The following BPIFC variants were observed in gnomAD, a reference collection of about 807,000 sequenced individuals.
The protein encoded by BPIFC is BPI fold containing family C, also known as BPI fold-containing family C protein.
In BPIFC, 60 loss-of-function variants were observed where a neutral mutation model predicts 57.6. The observed-to-expected ratio is 1.04, with a 90% confidence interval of 0.85 to 1.29. The LOEUF (loss-of-function observed/expected upper bound fraction) is 1.29. BPIFC is among the 50% of genes most tolerant of loss of function. The pLI is 0.00. For synonymous variants in BPIFC, 243 were observed against 224.5 expected, an observed-to-expected ratio of 1.08 and a Z score of -0.74; for missense variants, 581 against 600.5, an observed-to-expected ratio of 0.97 and a Z score of 0.34.
At chr22:32,442,826 G>T in intron 7 of BPIFC, 95 bp from the exon 8 acceptor site, 1 of 1,165,992 alleles carries the variant, frequency 8.6e-7, no homozygotes, top group East Asian at 2.5e-5. Context: ...AAGGCCTTCT[G>T]GTTAGCAGTC....
intron 1 of BPIFC, among the ~76,000 whole-genome samples, chr22:32,462,099 G>C (rs1326357245): frequency 1.4e-5 from 2 of 146,132 alleles, no homozygotes; most frequent in Non-Finnish European, 3.0e-5. Context: ...GAACCCAGGA[G>C]GCAGAGGTTG....
At chr22:32,414,532 G>T (rs1933614667) in intron 16 of BPIFC, 107 bp from the exon 17 acceptor site, 1 of 1,381,404 alleles carries the variant, frequency 7.2e-7, no homozygotes, top group Non-Finnish European at 9.7e-7. Flanking sequence ...TTAATTTTGA[G>T]ATGGAGTCTC....
chr22:32,432,484 A>G lies in BPIFC; in HGVS notation c.1038T>C (p.Pro346=). The part of the protein sequence containing the change: ...PFMVRIMATE[P]PIINLQPGNF... ...TGCCTGGTTGTAGATTGATTATGGG[A>G]GGCTCTGTGGCCATGATCCTCACCA... The change falls in exon 12 of 17, where the codon CCT becomes CCC. Residue 346 remains proline (P), a synonymous_variant. Coordinates refer to ENST00000300399, the MANE Select transcript of BPIFC (RefSeq NM_174932.3). The G allele has an allele frequency of 6.2e-7, 1 of 1,614,082 alleles. No homozygotes were observed. The highest frequency in any genetic ancestry group is 8.5e-7 in the Non-Finnish European group (1 of 1,180,006).
chr22:32,424,642 C>CTCTTCT (rs796330210), intron 13 of BPIFC, among the ~76,000 whole-genome samples: 2,312 of 28,720 alleles, frequency 0.081, 325 homozygotes, highest in Middle Eastern at 0.18. Flanking sequence ...TCTTCTTCTT[C>CTCTTCT]TCTTCTTCTT....
chr22:32,424,726 T>C (rs1318619887), intron 13 of BPIFC, among the ~76,000 whole-genome samples: 2 of 88,424 alleles, frequency 2.3e-5, no homozygotes, highest in African/African-American at 1.2e-4. Flanking sequence ...CCTCTTCTTC[T>C]TCCTCTTCTT....
chr22:32,445,308 T>G (rs988874458), intron 7 of BPIFC, among the ~76,000 whole-genome samples: 1 of 152,102 alleles, frequency 6.6e-6, no homozygotes, highest in South Asian at 2.1e-4. Context: ...GAGGCCAAGG[T>G]GCGCGGATCA....
At position 32,455,354 on chromosome 22, in the gene BPIFC, T is replaced by C. The variant is rs376403081; in HGVS notation, c.125-1851A>G. 2.7e-4 allele frequency among the ~76,000 whole-genome samples: 41 copies of C among 152,200 alleles called. 1 individual carries two copies. The South Asian group carries it at 8.1e-3, about 30-fold the overall frequency. On this transcript the variant is annotated intron_variant, in intron 3 of 16. Transcript: ENST00000300399. ...ATGAGCCACCACGCCTGGCCTTCCA[T>C]TTAAAAAAATATCTTGCAGATATTA...
intron 5 of BPIFC, among the ~76,000 whole-genome samples, chr22:32,446,531 G>A (rs1048187578): frequency 6.6e-6 from 1 of 152,184 alleles, no homozygotes; most frequent in Non-Finnish European, 1.5e-5. Context: ...GTTGCTGTGG[G>A]GAACGTGTCA....
intron 15 of BPIFC, among the ~76,000 whole-genome samples, 179 bp from the exon 16 acceptor site, chr22:32,416,170 C>G (rs1296707052): frequency 6.6e-6 from 1 of 151,286 alleles, no homozygotes; most frequent in Non-Finnish European, 1.5e-5. Context: ...ACCTCCACCT[C>G]CCAGGTACAG....
intron 9 of BPIFC, among the ~76,000 whole-genome samples, chr22:32,437,051 A>G (rs1457453527): frequency 6.6e-6 from 1 of 152,258 alleles, no homozygotes; most frequent in East Asian, 1.9e-4. Context: ...AGAGGTCAGC[A>G]GCCCTCAGTT....
chr22:32,446,146 C>A, intron 5 of BPIFC, 150 bp from the exon 6 acceptor site: 1 of 824,228 alleles, frequency 1.2e-6, no homozygotes, highest in Non-Finnish European at 1.9e-6. Context: ...CAGGTAGGAG[C>A]AGAGTGGGTG....
In BPIFC at chr22:32,445,949, G is replaced by A. The variant is rs1217866566; in HGVS notation, c.422C>T (p.Thr141Ile). 4 of 1,614,124 alleles carry A rather than the reference G, an allele frequency of 2.5e-6. No individual in the cohort carries two copies. The highest frequency in any genetic ancestry group is 3.4e-6 in the Non-Finnish European group (4 of 1,180,030). The change falls in exon 6 of 17, where the codon ACC becomes ATC. Residue 141 changes from threonine to isoleucine, a missense_variant. Transcript: ENST00000300399. ...ADLFLSGVYFTGIIILTRNDF... is the reference protein window; with the variant it reads ...ADLFLSGVYFIGIIILTRNDF... ...ATTTCGGGTTAGGATAATGATACCG[G>A]TAAAGTAGACTCCGGAGAGAAACAG...
intron 10 of BPIFC, 39 bp from the exon 11 acceptor site, chr22:32,433,811 A>G: frequency 6.4e-7 from 1 of 1,552,242 alleles, no homozygotes; most frequent in African/African-American, 1.4e-5. Context: ...TTAGGATTTT[A>G]CGTGGATTGT....
chr22:32,448,219 C>T (rs1363837246), intron 4 of BPIFC, among the ~76,000 whole-genome samples: 1 of 152,038 alleles, frequency 6.6e-6, no homozygotes, highest in Non-Finnish European at 1.5e-5. Context: ...CAGGCGCATG[C>T]CACCACACCT....
rs1935161394 is a variant in BPIFC at position 32,461,616 on chromosome 22, GC to G, written c.-44del. ...TCCAGCTGATCTTCTGCTGTGCTGGGCCTTTCTTGATCCTTTAGTTGCCCTT... is the reference window on the plus strand; with the variant it reads ...TCCAGCTGATCTTCTGCTGTGCTGGGCTTTCTTGATCCTTTAGTTGCCCTT... On this transcript the variant is annotated 5_prime_UTR_variant, in exon 2 of 17. Coordinates refer to ENST00000300399, the MANE Select transcript of BPIFC (RefSeq NM_174932.3). The G allele has an allele frequency of 1.6e-5, 16 of 985,576 alleles. No homozygotes were observed. Among genetic ancestry groups the G allele is most frequent in the Non-Finnish European group, 1.9e-5 (16 of 830,044 alleles). The allele number at this position is 985,576 out of a possible 1,614,324, so 61.1% of individuals were successfully genotyped here.
intron 13 of BPIFC, among the ~76,000 whole-genome samples, chr22:32,427,402 C>A (rs2145922613): frequency 6.6e-6 from 1 of 152,260 alleles, no homozygotes; most frequent in South Asian, 2.1e-4. Context: ...GAGATCCTGC[C>A]AGTAAACCAG....
rs906861191 is a variant in BPIFC at position 32,417,264 on chromosome 22, C to T, written c.1261-116G>A. The T allele has an allele frequency of 1.1e-5, 8 of 718,904 alleles. No individual in the cohort carries two copies. The South Asian group carries it at 1.2e-4, about 11-fold the overall frequency. The allele number at this position is 718,904 out of a possible 1,614,324, so 44.5% of individuals were successfully genotyped here. A position where few individuals can be genotyped will look rare whatever the true frequency, so the allele number is the denominator to read the frequency against. On this transcript the variant is annotated intron_variant, in intron 14 of 16. Coordinates refer to ENST00000300399, the MANE Select transcript of BPIFC (RefSeq NM_174932.3). ...GATCATGGCTCTCTCCAGCCTCGAA[C>T]TCCTGGGCTCAAGCAATCTTCCTGC...
rs1469744476 is a variant in BPIFC at position 32,424,654 on chromosome 22, T to C, written c.1218-5250A>G. 0.013 allele frequency among the ~76,000 whole-genome samples: 803 copies of C among 61,272 alleles called. 145 individuals are homozygous for C. In the East Asian group the frequency reaches 0.13, roughly 10 times the overall value. The allele number at this position is 61,272 out of a possible 152,430, so 40.2% of individuals were successfully genotyped here. A position where few individuals can be genotyped will look rare whatever the true frequency, so the allele number is the denominator to read the frequency against. ...TCTTCTTCTTCTTCTCTTCTTCTTC[T>C]TCTTCTTCTTCTTCTTCTTCTTCTT... On this transcript the variant is annotated intron_variant, in intron 13 of 16. Transcript: ENST00000300399.
rs1376141222 is a variant in BPIFC, at chr22:32,424,587, T to TCC, written c.1218-5184_1218-5183insGG. Among the ~76,000 whole-genome samples the TCC allele has an allele frequency of 7.4e-4, 64 of 86,776 alleles. 9 individuals are homozygous for TCC. The highest frequency in any genetic ancestry group is 4.2e-3 in the South Asian group (13 of 3,074). 56.9% of individuals were successfully genotyped at this position (86,776 alleles called of 152,430 possible). A position where few individuals can be genotyped will look rare whatever the true frequency, so the allele number is the denominator to read the frequency against. ...AGTGTTATTTTCTTTCTTCTTCTTC[T>TCC]TCTTCTTCTTCTTCTCCTCCTCCTC... On this transcript the variant is annotated intron_variant, in intron 13 of 16. Coordinates refer to ENST00000300399, the MANE Select transcript of BPIFC (RefSeq NM_174932.3).
Sources: allele counts gnomAD v4.1 joint callset (sites outside exome capture counted in the v4.1 genomes callset), GRCh38; gene constraint gnomAD v4.1.1; transcripts MANE v1.5; gene names NCBI Gene and HGNC (gene_info 2026-07-23, HGNC 2026-07-21).